UGT1A8: variants seen among roughly 807,000 people sequenced by gnomAD.
UGT1A8 encodes UDP glucuronosyltransferase family 1 member A8.
Under a neutral mutation model 45.3 loss-of-function variants are expected in UGT1A8, and 39 were observed. That is an observed-to-expected ratio of 0.86 (90% CI 0.67 to 1.12). UGT1A8 has a LOEUF of 1.12. Among genes scored for constraint, UGT1A8 ranks in the 50% most tolerant of loss-of-function variants. The probability of loss-of-function intolerance (pLI) is 0.00; values close to 1 mark genes in which losing one functional copy is unlikely to be tolerated. For missense variants in UGT1A8, 719 were observed against 664.9 expected (o/e 1.08, Z -0.90); for synonymous variants, 275 against 249.2 (o/e 1.10, Z -0.97).
intron 1 of UGT1A8, among the ~76,000 whole-genome samples, chr2:233,674,262 A>G (rs894240612): frequency 2.6e-5 from 4 of 152,218 alleles, no homozygotes; most frequent in Non-Finnish European, 5.9e-5. Context: ...AAGCAGGAGG[A>G]CTACAGTTGT....
intron 1 of UGT1A8, among the ~76,000 whole-genome samples, chr2:233,765,914 G>T (rs914131735): frequency 6.6e-6 from 1 of 152,098 alleles, no homozygotes; most frequent in Admixed American, 6.5e-5. Flanking sequence ...CTCTAGGGGA[G>T]CATACAGACG....
At chr2:233,701,516 T>C (rs1007365654) in intron 1 of UGT1A8, among the ~76,000 whole-genome samples, 21 of 152,106 alleles carry the variant, frequency 1.4e-4, no homozygotes, top group Non-Finnish European at 2.6e-4. Flanking sequence ...TACAGAACTC[T>C]CCACCCCAAA....
At chr2:233,667,942 A>C (rs1243798500) in intron 1 of UGT1A8, among the ~76,000 whole-genome samples, 1 of 152,210 alleles carries the variant, frequency 6.6e-6, no homozygotes, top group Non-Finnish European at 1.5e-5. Context: ...TGGGACTGTA[A>C]ACTTTTTATT....
chr2:233,636,689 T>A (rs766605906), intron 1 of UGT1A8: 5 of 1,614,118 alleles, frequency 3.1e-6, no homozygotes, highest in Non-Finnish European at 4.2e-6. Context: ...CATGAGGTGG[T>A]TGTAGTCATG....
chr2:233,761,218 C>T (rs1697719268), intron 1 of UGT1A8: 4 of 1,613,576 alleles, frequency 2.5e-6, no homozygotes, highest in Middle Eastern at 1.6e-4. Flanking sequence ...GATCGATTAA[C>T]TAGCCCCAGA....
intron 1 of UGT1A8, among the ~76,000 whole-genome samples, chr2:233,706,920 A>G (rs2075930825): frequency 6.6e-6 from 1 of 152,182 alleles, no homozygotes; most frequent in South Asian, 2.1e-4. Flanking sequence ...CTGCCAGAGT[A>G]TGAGTCTGGT....
intron 1 of UGT1A8, among the ~76,000 whole-genome samples, chr2:233,633,812 G>A (rs2073232316): frequency 6.6e-6 from 1 of 152,046 alleles, no homozygotes; most frequent in Non-Finnish European, 1.5e-5. Flanking sequence ...ATCTCCTTCA[G>A]TTCTGCTCTG....
At chr2:233,636,874 G>A (rs45458396) in intron 1 of UGT1A8, 4 of 1,614,054 alleles carry the variant, frequency 2.5e-6, no homozygotes, top group East Asian at 2.2e-5. Context: ...TGGTTTTCTT[G>A]ACTTATTTTT....
At chr2:233,661,643 CTTTCT>C (rs1185396445) in intron 1 of UGT1A8, among the ~76,000 whole-genome samples, 1 of 141,872 alleles carries the variant, frequency 7.0e-6, no homozygotes. Context: ...TTCTTTCTTT[CTTTCT>C]TTCTTTCTTT....
intron 1 of UGT1A8, among the ~76,000 whole-genome samples, chr2:233,644,892 C>T (rs1448597697): frequency 6.6e-6 from 1 of 152,042 alleles, no homozygotes; most frequent in Non-Finnish European, 1.5e-5. Context: ...TAGTTGCTAA[C>T]TTGGTGTCTT....
intron 1 of UGT1A8, among the ~76,000 whole-genome samples, chr2:233,737,002 C>G (rs534387073): frequency 6.6e-6 from 1 of 152,190 alleles, no homozygotes; most frequent in Non-Finnish European, 1.5e-5. Flanking sequence ...GTCAGGGACC[C>G]GCTTGAGGAG....
chr2:233,653,655 G>T (rs1575403197), intron 1 of UGT1A8, among the ~76,000 whole-genome samples: 1 of 152,274 alleles, frequency 6.6e-6, no homozygotes, highest in African/African-American at 2.4e-5. Flanking sequence ...GGAGTGCAGT[G>T]GTGCGATCTC....
At chr2:233,626,905 C>A (rs1485687892) in intron 1 of UGT1A8, among the ~76,000 whole-genome samples, 1 of 152,000 alleles carries the variant, frequency 6.6e-6, no homozygotes, top group African/African-American at 2.4e-5. Flanking sequence ...GCATTTTCTG[C>A]CTTCAGGGAC....
chr2:233,627,624 T>TCTTCCTTCCTTCCTTCCTTCCTTTCTTC (rs2073108756), intron 1 of UGT1A8, among the ~76,000 whole-genome samples: 1 of 111,934 alleles, frequency 8.9e-6, no homozygotes, highest in Non-Finnish European at 1.9e-5. Flanking sequence ...TTCCTTCCTT[T>TCTTCCTTCCTTCCTTCCTTCCTTTCTTC]CTTCCTTCCT....
At chr2:233,719,812 CA>C in intron 1 of UGT1A8, 1 of 1,587,558 alleles carries the variant, frequency 6.3e-7, no homozygotes, top group Non-Finnish European at 8.6e-7. Context: ...TTCTTTATAA[CA>C]GATAAACTGT....
intron 1 of UGT1A8, among the ~76,000 whole-genome samples, chr2:233,627,211 C>A (rs2073099671): frequency 6.6e-6 from 1 of 151,982 alleles, no homozygotes; most frequent in Non-Finnish European, 1.5e-5. Context: ...GCACTGTCAT[C>A]TGTATTAAAA....
intron 1 of UGT1A8, among the ~76,000 whole-genome samples, chr2:233,709,895 C>A (rs942785587): frequency 5.3e-5 from 8 of 152,240 alleles, no homozygotes; most frequent in African/African-American, 1.7e-4. Flanking sequence ...TCTGTCCTAT[C>A]TCAGTCACCT....
At chr2:233,665,840 A>G (rs1368608687) in intron 1 of UGT1A8, among the ~76,000 whole-genome samples, 1 of 152,204 alleles carries the variant, frequency 6.6e-6, no homozygotes, top group Non-Finnish European at 1.5e-5. Flanking sequence ...GTGTATGGTT[A>G]CCTTTTTAAG....
chr2:233,724,704 C>G (rs867669613), intron 1 of UGT1A8, among the ~76,000 whole-genome samples: 3 of 144,994 alleles, frequency 2.1e-5, no homozygotes, highest in Non-Finnish European at 3.0e-5. Flanking sequence ...AGACGCTCCT[C>G]GCTTTCCAGA....
Sources: allele counts gnomAD v4.1 joint callset (sites outside exome capture counted in the v4.1 genomes callset), GRCh38; gene constraint gnomAD v4.1.1; transcripts MANE v1.5; gene names NCBI Gene and HGNC (gene_info 2026-07-23, HGNC 2026-07-21).